CCSER1: variants seen among roughly 807,000 people sequenced by gnomAD.
CCSER1 encodes coiled-coil serine rich protein 1, also known as serine-rich coiled-coil domain-containing protein 1.
In CCSER1, 41 loss-of-function variants were observed where a neutral mutation model predicts 82.0. The observed-to-expected ratio is 0.50, with a 90% CI of 0.39 to 0.65. The LOEUF (loss-of-function observed/expected upper bound fraction) is 0.65. Among genes scored for constraint, CCSER1 ranks in the 30% least tolerant of loss-of-function variants. The pLI is 0.00. For synonymous variants in CCSER1, 414 were observed against 383.9 expected (o/e 1.08, Z -0.92); for missense variants, 1,119 against 1,064.2 (o/e 1.05, Z -0.72).
chr4:91,402,167 A>G (rs540638690), intron 10 of CCSER1, among the ~76,000 whole-genome samples: 1 of 152,160 alleles, frequency 6.6e-6, no homozygotes, highest in East Asian at 1.9e-4. Context: ...GCATTTTTTC[A>G]TGTGTCTGTT....
At chr4:90,807,766 A>G (rs1424928466) in intron 7 of CCSER1, among the ~76,000 whole-genome samples, 4 of 152,164 alleles carry the variant, frequency 2.6e-5, no homozygotes, top group Non-Finnish European at 5.9e-5. Context: ...AATACATCCT[A>G]TGCTTAAGCT....
chr4:91,549,491 A>T (rs1301592377), intron 10 of CCSER1, among the ~76,000 whole-genome samples: 1 of 151,764 alleles, frequency 6.6e-6, no homozygotes, highest in Non-Finnish European at 1.5e-5. Flanking sequence ...TCATAATGCA[A>T]TTGTAAACTG....
chr4:91,083,174 A>G (rs1722978276), intron 9 of CCSER1, among the ~76,000 whole-genome samples: 1 of 152,232 alleles, frequency 6.6e-6, no homozygotes, highest in South Asian at 2.1e-4. Context: ...ATGTCCATCA[A>G]TGATAGACTG....
intron 5 of CCSER1, among the ~76,000 whole-genome samples, chr4:90,559,524 T>C (rs1778485391): frequency 6.6e-6 from 1 of 151,966 alleles, no homozygotes; most frequent in Non-Finnish European, 1.5e-5. Flanking sequence ...CGGCTGACTC[T>C]GAAAAGGGCT....
chr4:91,593,467 C>CTTGTTTTTTTTTTTTTTT (rs1764365704), intron 10 of CCSER1, among the ~76,000 whole-genome samples: 1 of 55,020 alleles, frequency 1.8e-5, no homozygotes, highest in Non-Finnish European at 3.3e-5. Flanking sequence ...CAACCCCGTG[C>CTTGTTTTTTTTTTTTTTT]TTTTTTTTTT....
chr4:90,166,273 G>A (rs1730432679), intron 1 of CCSER1, among the ~76,000 whole-genome samples: 1 of 151,932 alleles, frequency 6.6e-6, no homozygotes, highest in Non-Finnish European at 1.5e-5. Flanking sequence ...TTAGGTTAAA[G>A]GTTGTATATA....
chr4:90,732,027 TTCTCTCTCTCTCTC>T (rs76331329), intron 7 of CCSER1, among the ~76,000 whole-genome samples: 3 of 131,144 alleles, frequency 2.3e-5, no homozygotes, highest in Admixed American at 7.4e-5. Context: ...CTATTGGGAT[TTCTCTCTCTCTCTC>T]TCTCTCTCTC....
intron 10 of CCSER1, among the ~76,000 whole-genome samples, chr4:91,499,582 A>G (rs1468854409): frequency 1.3e-5 from 2 of 151,958 alleles, no homozygotes; most frequent in Non-Finnish European, 2.9e-5. Flanking sequence ...TTTTAATATC[A>G]TACAGAATAG....
intron 10 of CCSER1, among the ~76,000 whole-genome samples, chr4:91,458,758 T>G (rs1223255843): frequency 1.3e-5 from 2 of 152,196 alleles, no homozygotes; most frequent in African/African-American, 4.8e-5. Context: ...GTTATTTTTA[T>G]AGCTACTGTA....
chr4:91,217,458 C>G lies in CCSER1; in HGVS notation c.2217+131464C>G, dbSNP rs1386122847. On this transcript the variant is annotated intron_variant, in intron 10 of 10. Transcript: ENST00000509176. ...AAGGCCCCACCAGAGCAGCTAGATA[C>G]AGAGTGTGGATTGGTGCATTCACAA... Among the ~76,000 whole-genome samples, 6 of 152,196 alleles carry G rather than the reference C, an allele frequency of 3.9e-5. No homozygotes were observed. The East Asian group carries it at 9.7e-4, about 25-fold the overall frequency.
intron 10 of CCSER1, among the ~76,000 whole-genome samples, chr4:91,466,637 A>T (rs1453853683): frequency 6.6e-6 from 1 of 152,236 alleles, no homozygotes; most frequent in Non-Finnish European, 1.5e-5. Flanking sequence ...CCTTAAGCTG[A>T]TAAGCAACTT....
rs61577919 is a variant in CCSER1, at chr4:91,034,956, T to C, written c.2173-50994T>C. On this transcript the variant is annotated intron_variant, in intron 9 of 10. Coordinates refer to ENST00000509176, the MANE Select transcript of CCSER1 (RefSeq NM_001145065.2). ...GAGAAATAGCTTGACATTTTCTTCA[T>C]GATGACAAAGCCTGGGCAAAACACA... 8.2e-3 allele frequency among the ~76,000 whole-genome samples: 1,255 copies of C among 152,270 alleles called. 95 individuals carry two copies. The East Asian group carries it at 0.19, about 23-fold the overall frequency.
chr4:90,758,573 T>C (rs1314922212), intron 7 of CCSER1, among the ~76,000 whole-genome samples: 1 of 152,164 alleles, frequency 6.6e-6, no homozygotes, highest in Non-Finnish European at 1.5e-5. Context: ...TCATACTTAA[T>C]TTTATTATTT....
chr4:91,343,152 A>G (rs1747827488), intron 10 of CCSER1, among the ~76,000 whole-genome samples: 1 of 152,106 alleles, frequency 6.6e-6, no homozygotes, highest in African/African-American at 2.4e-5. Flanking sequence ...AATAAAGATT[A>G]ACAGTTTTTC....
At position 90,922,840 on chromosome 4, in the gene CCSER1, C is replaced by T. The variant is rs566532941; in HGVS notation, c.2095-530C>T. 4.6e-5 allele frequency among the ~76,000 whole-genome samples: 7 copies of T among 152,208 alleles called. No individual in the cohort carries two copies. The South Asian group carries it at 6.2e-4, about 13-fold the overall frequency. ...TGAAATATGAAATCCCAACCTAGTT[C>T]GTGTATTACTTCCCTTCCCTAGTTA... is the stretch of plus-strand genomic sequence containing the variant. On this transcript the variant is annotated intron_variant, in intron 8 of 10. Coordinates refer to ENST00000509176, the MANE Select transcript of CCSER1 (RefSeq NM_001145065.2).
intron 9 of CCSER1, among the ~76,000 whole-genome samples, chr4:91,057,095 G>A (rs1468540912): frequency 2.0e-5 from 3 of 152,146 alleles, no homozygotes; most frequent in Admixed American, 6.6e-5. Context: ...CAATCAGCAA[G>A]TAGAACAAAG....
At chr4:91,252,564 CCACGT>C (rs1740333519) in intron 10 of CCSER1, among the ~76,000 whole-genome samples, 1 of 152,048 alleles carries the variant, frequency 6.6e-6, no homozygotes, top group Non-Finnish European at 1.5e-5. Flanking sequence ...GTTTGCAGCT[CCACGT>C]TTTATTTCTA....
At chr4:91,196,049 C>T (rs1298611488) in intron 10 of CCSER1, among the ~76,000 whole-genome samples, 2 of 151,720 alleles carry the variant, frequency 1.3e-5, no homozygotes, top group Non-Finnish European at 2.9e-5. Context: ...TAGTCGGGTT[C>T]GGTGGCGGGC....
chr4:91,456,102 T>G (rs568365266), intron 10 of CCSER1, among the ~76,000 whole-genome samples: 3 of 152,202 alleles, frequency 2.0e-5, no homozygotes, highest in African/African-American at 7.2e-5. Context: ...CTCCCAGTTC[T>G]GGAGGTTAGA....
Sources: gnomAD v4.1 joint callset for allele counts (sites outside exome capture counted in the v4.1 genomes callset) on GRCh38, gnomAD v4.1.1 for gene constraint, MANE v1.5 for transcripts, NCBI Gene and HGNC (gene_info 2026-07-23, HGNC 2026-07-21) for gene names.